TBC1D5: variants seen among roughly 807,000 people sequenced by gnomAD.
The protein encoded by TBC1D5 is TBC1 domain family, member 5.
In TBC1D5, 75 loss-of-function variants were observed where a neutral mutation model predicts 100.3. That is an observed-to-expected ratio of 0.75 (90% CI 0.62 to 0.91). The LOEUF (loss-of-function observed/expected upper bound fraction) is 0.91. TBC1D5 is among the 40% of genes least tolerant of loss of function. TBC1D5 has a pLI of 0.00. For missense variants in TBC1D5, 910 were observed against 942.4 expected, an observed-to-expected ratio of 0.97 and a Z score of 0.45; for synonymous variants, 323 against 325.6, an observed-to-expected ratio of 0.99 and a Z score of 0.09.
intron 3 of TBC1D5, among the ~76,000 whole-genome samples, chr3:17,507,551 T>A (rs1161758266): frequency 6.6e-6 from 1 of 152,172 alleles, no homozygotes; most frequent in African/African-American, 2.4e-5. Context: ...AAAACATGAG[T>A]TAAAAGCAGA....
chr3:17,205,414 A>C (rs2072032919), intron 18 of TBC1D5, among the ~76,000 whole-genome samples: 1 of 152,172 alleles, frequency 6.6e-6, no homozygotes, highest in Non-Finnish European at 1.5e-5. Context: ...GTCTTCTGGG[A>C]AGGCTGCTCT....
At chr3:17,193,149 C>G (rs1408542800) in intron 18 of TBC1D5, among the ~76,000 whole-genome samples, 1 of 152,194 alleles carries the variant, frequency 6.6e-6, no homozygotes, top group African/African-American at 2.4e-5. Context: ...CCCGGTGAGG[C>G]ATGAGTCAGG....
intron 12 of TBC1D5, 146 bp downstream of exon 12, chr3:17,374,325 C>T: frequency 4.5e-6 from 3 of 665,594 alleles, no homozygotes; most frequent in Non-Finnish European, 7.1e-6. Context: ...ACTTAGATCC[C>T]CAGGCTCAAT....
chr3:17,693,431 T>TC (rs1291385246), intron 1 of TBC1D5, among the ~76,000 whole-genome samples: 1 of 152,112 alleles, frequency 6.6e-6, no homozygotes, highest in Non-Finnish European at 1.5e-5. Context: ...GGAGATTCTC[T>TC]CCTGTGCCTG....
At chr3:17,354,309 T>C (rs574051742) in intron 13 of TBC1D5, among the ~76,000 whole-genome samples, 70 of 152,292 alleles carry the variant, frequency 4.6e-4, no homozygotes, top group African/African-American at 1.6e-3. Context: ...TTTCTTCATT[T>C]ACAAACCTCT....
At chr3:17,437,608 G>C (rs996980206) in intron 3 of TBC1D5, among the ~76,000 whole-genome samples, 1 of 121,530 alleles carries the variant, frequency 8.2e-6, no homozygotes, top group Non-Finnish European at 1.8e-5. Context: ...AGGGGAGAGA[G>C]ACAGAGACAG....
intron 2 of TBC1D5, among the ~76,000 whole-genome samples, chr3:17,614,035 C>T (rs1162257096): frequency 6.6e-6 from 1 of 152,040 alleles, no homozygotes; most frequent in East Asian, 1.9e-4. Context: ...CATTCAACTG[C>T]TTAATCAATC....
intron 1 of TBC1D5, among the ~76,000 whole-genome samples, chr3:17,732,331 C>T (rs948976457): frequency 6.7e-6 from 1 of 149,258 alleles, no homozygotes; most frequent in Non-Finnish European, 1.5e-5. Flanking sequence ...AAACAAAAAA[C>T]AAACAAAAAA....
chr3:17,361,484 C>T (rs1364192957), intron 13 of TBC1D5, among the ~76,000 whole-genome samples: 1 of 151,910 alleles, frequency 6.6e-6, no homozygotes, highest in Non-Finnish European at 1.5e-5. Flanking sequence ...ATTTCACGTG[C>T]ACAAGAAATA....
At chr3:17,740,079 C>A (rs992683461) in exon 1 of TBC1D5, 1 of 151,876 alleles carries the variant, frequency 6.6e-6, no homozygotes, top group Admixed American at 6.6e-5. Context: ...CCTTGGGAGG[C>A]CGAGATGGAC....
intron 1 of TBC1D5, among the ~76,000 whole-genome samples, chr3:17,695,174 A>G (rs1432945363): frequency 6.6e-6 from 1 of 152,242 alleles, no homozygotes; most frequent in Non-Finnish European, 1.5e-5. Flanking sequence ...AATGCTATGA[A>G]GAAACTGCAT....
At chr3:17,613,255 T>G (rs898330338) in intron 2 of TBC1D5, among the ~76,000 whole-genome samples, 1 of 152,208 alleles carries the variant, frequency 6.6e-6, no homozygotes, top group African/African-American at 2.4e-5. Context: ...ATGGTGTATA[T>G]GGGCCACATT....
intron 1 of TBC1D5, among the ~76,000 whole-genome samples, chr3:17,649,604 T>C (rs1413520583): frequency 6.6e-6 from 1 of 152,112 alleles, no homozygotes; most frequent in Admixed American, 6.6e-5. Flanking sequence ...TACCATCTCA[T>C]GCCAGTTAGA....
intron 2 of TBC1D5, among the ~76,000 whole-genome samples, chr3:17,585,848 A>C (rs1341891155): frequency 6.6e-6 from 1 of 152,196 alleles, no homozygotes; most frequent in African/African-American, 2.4e-5. Context: ...ATAAATGTAC[A>C]TTTTATTCCT....
At chr3:17,178,743 G>T (rs1461202132) in intron 19 of TBC1D5, among the ~76,000 whole-genome samples, 1 of 152,030 alleles carries the variant, frequency 6.6e-6, no homozygotes, top group East Asian at 1.9e-4. Flanking sequence ...TGGCACAAGT[G>T]ATCCTCCCAG....
intron 3 of TBC1D5, among the ~76,000 whole-genome samples, chr3:17,493,563 G>C (rs144761529): frequency 6.6e-6 from 1 of 152,154 alleles, no homozygotes; most frequent in Non-Finnish European, 1.5e-5. Context: ...AGGTACCCCA[G>C]TCAGTTGTAG....
intron 2 of TBC1D5, among the ~76,000 whole-genome samples, chr3:17,568,995 G>C (rs2096609985): frequency 6.6e-6 from 1 of 151,586 alleles, no homozygotes; most frequent in Admixed American, 6.6e-5. Flanking sequence ...AAAATACACA[G>C]GTATATGGGT....
At chr3:17,702,220 C>A (rs914713680) in intron 1 of TBC1D5, 72 of 152,206 alleles carry the variant, frequency 4.7e-4, no homozygotes, top group African/African-American at 1.6e-3. Flanking sequence ...ACAACAGATT[C>A]TTTTACTTTT....
chr3:17,435,216 A>C (rs1409425750), intron 3 of TBC1D5, among the ~76,000 whole-genome samples: 1 of 152,156 alleles, frequency 6.6e-6, no homozygotes, highest in African/African-American at 2.4e-5. Flanking sequence ...CTGAGCCCTC[A>C]AAACTATTCC....
Sources: gnomAD v4.1 joint callset for allele counts (sites outside exome capture counted in the v4.1 genomes callset) on GRCh38, gnomAD v4.1.1 for gene constraint, MANE v1.5 for transcripts, NCBI Gene and HGNC (gene_info 2026-07-23, HGNC 2026-07-21) for gene names.